The following NHSL1 variants were observed in gnomAD, a reference collection of about 807,000 sequenced individuals.
NHSL1 encodes NHS like 1.
NHSL1 carries 48 observed loss-of-function variants against 95.0 expected under a neutral mutation model. The observed-to-expected ratio is 0.51, with a 90% CI of 0.40 to 0.64. NHSL1 has a LOEUF of 0.64. Among genes scored for constraint, NHSL1 ranks in the 30% least tolerant of loss-of-function variants. The pLI is 0.00. For missense variants in NHSL1, 1,971 were observed against 2,077.7 expected, an observed-to-expected ratio of 0.95 and a Z score of 1.00; for synonymous variants, 783 against 833.9, an observed-to-expected ratio of 0.94 and a Z score of 1.05.
rs35252759 is a variant in NHSL1 at position 138,659,527 on chromosome 6, G to C, written c.96+32949C>G. ...GCACCTCCTGCCAAGTTAGCATCTG[G>C]GGTTGAAAGAATGATGCTCTAACAC... On this transcript the variant is annotated intron_variant, in intron 1 of 3. Coordinates refer to the NHSL1 transcript ENST00000491526. Among the ~76,000 whole-genome samples the C allele has an allele frequency of 5.1e-3, 776 of 152,166 alleles. 11 individuals carry two copies. The highest frequency in any genetic ancestry group is 4.8e-3 in the Non-Finnish European group (326 of 67,998).
chr6:138,426,681 T>C (rs150165053), intron 7 of NHSL1, among the ~76,000 whole-genome samples: 1 of 152,150 alleles, frequency 6.6e-6, no homozygotes. Context: ...TTGGTGTTCC[T>C]GGCGTCATCT....
intron 1 of NHSL1, among the ~76,000 whole-genome samples, chr6:138,663,337 G>A (rs1349096666): frequency 6.6e-6 from 1 of 152,108 alleles, no homozygotes; most frequent in Non-Finnish European, 1.5e-5. Flanking sequence ...GAGGCAGGCA[G>A]ATCACCTTAG....
chr6:138,555,121 G>C (rs79883542), intron 1 of NHSL1, among the ~76,000 whole-genome samples: 2 of 152,262 alleles, frequency 1.3e-5, no homozygotes, highest in East Asian at 3.9e-4. Context: ...CACAGAGCAC[G>C]GTGCGGCCCA....
chr6:138,648,825 A>G (rs1446530458), intron 1 of NHSL1, among the ~76,000 whole-genome samples: 1 of 152,006 alleles, frequency 6.6e-6, no homozygotes, highest in African/African-American at 2.4e-5. Flanking sequence ...AAGAGGCAAG[A>G]ATTTTTTTTT....
chr6:138,583,391 C>T (rs1319323304), intron 1 of NHSL1, among the ~76,000 whole-genome samples: 5 of 152,152 alleles, frequency 3.3e-5, no homozygotes, highest in Admixed American at 3.3e-4. Context: ...TCTCATCTAC[C>T]ACAGGCACCT....
intron 1 of NHSL1, among the ~76,000 whole-genome samples, chr6:138,683,297 G>C (rs1384782714): frequency 6.6e-6 from 1 of 152,184 alleles, no homozygotes; most frequent in African/African-American, 2.4e-5. Context: ...CAGCTCTCAT[G>C]TAGCCGTGGT....
intron 1 of NHSL1, chr6:138,512,417 C>T (rs1781274798): frequency 7.1e-6 from 3 of 420,680 alleles, no homozygotes; most frequent in South Asian, 5.2e-5. Flanking sequence ...ATAAAATTCA[C>T]TTCTTTGCTC....
At chr6:138,502,180 A>C (rs908697148), upstream of NHSL1, among the ~76,000 whole-genome samples, 1 of 152,208 alleles carries the variant, frequency 6.6e-6, no homozygotes, top group African/African-American at 2.4e-5. Context: ...TCTCCAGGAA[A>C]TAAACCAAAT....
In NHSL1 at chr6:138,496,238, G is replaced by A. The variant is rs1056154075; in HGVS notation, c.192C>T (p.Asn64=). The change falls in exon 2 of 8, where the codon AAC becomes AAT. Residue 64 remains asparagine (N), a synonymous_variant. Transcript: ENST00000343505. ...VEDLHRQAKL[N]LKSVLRECDK... ...TCTTACCCCTCAGTACTGATTTGAG[G>A]TTGAGCTTGGCTTGGCGGTGCAGGT... 5 of 1,550,942 alleles carry A rather than the reference G, an allele frequency of 3.2e-6. No individual in the cohort carries two copies. Among genetic ancestry groups the A allele is most frequent in the Admixed American group, 3.9e-5 (2 of 50,962 alleles).
intron 1 of NHSL1, among the ~76,000 whole-genome samples, chr6:138,659,367 T>C (rs1785196973): frequency 6.6e-6 from 1 of 152,078 alleles, no homozygotes; most frequent in African/African-American, 2.4e-5. Flanking sequence ...TAATTCTTAA[T>C]GTTTGTAAAA....
intron 1 of NHSL1, among the ~76,000 whole-genome samples, chr6:138,659,756 A>C (rs1785203215): frequency 7.0e-6 from 1 of 142,382 alleles, no homozygotes; most frequent in African/African-American, 2.7e-5. Flanking sequence ...TCACTCTGTC[A>C]TCCAGGCTGG....
chr6:138,589,320 C>A (rs765911049), intron 1 of NHSL1, among the ~76,000 whole-genome samples: 10 of 152,094 alleles, frequency 6.6e-5, no homozygotes, highest in Non-Finnish European at 1.5e-5. Context: ...CTAAATGATG[C>A]GGGGTGCTTA....
chr6:138,596,015 A>C (rs1041362664), intron 1 of NHSL1, among the ~76,000 whole-genome samples: 1 of 152,190 alleles, frequency 6.6e-6, no homozygotes, highest in African/African-American at 2.4e-5. Flanking sequence ...CATAAACCCT[A>C]CTTGGAAGCT....
chr6:138,583,840 C>G (rs954224296), intron 1 of NHSL1, among the ~76,000 whole-genome samples: 4 of 152,126 alleles, frequency 2.6e-5, no homozygotes, highest in African/African-American at 9.7e-5. Context: ...ACTGCAACAA[C>G]TCAATCTGCC....
At chr6:138,624,400 C>T (rs1023881194) in intron 1 of NHSL1, among the ~76,000 whole-genome samples, 5 of 152,016 alleles carry the variant, frequency 3.3e-5, no homozygotes, top group Non-Finnish European at 5.9e-5. Context: ...CAAATGTAAG[C>T]GTTCATTGTA....
chr6:138,663,415 C>T (rs9495192), intron 1 of NHSL1, among the ~76,000 whole-genome samples: 4,473 of 150,996 alleles, frequency 0.03, 211 homozygotes, highest in African/African-American at 0.1. Flanking sequence ...ACAAATTAGC[C>T]AGGCATGGTG....
chr6:138,469,515 G>A (rs1002334040), intron 3 of NHSL1, among the ~76,000 whole-genome samples: 2 of 152,148 alleles, frequency 1.3e-5, no homozygotes, highest in African/African-American at 4.8e-5. Flanking sequence ...CTTGAGCCCA[G>A]GAGTTCCAGA....
chr6:138,624,394 T>C (rs1382290587), intron 1 of NHSL1, among the ~76,000 whole-genome samples: 2 of 152,050 alleles, frequency 1.3e-5, no homozygotes, highest in African/African-American at 2.4e-5. Flanking sequence ...GGAGGGCAAA[T>C]GTAAGCGTTC....
At chr6:138,520,105 C>T (rs1781615086) in intron 1 of NHSL1, among the ~76,000 whole-genome samples, 1 of 151,424 alleles carries the variant, frequency 6.6e-6, no homozygotes, top group African/African-American at 2.4e-5. Context: ...AGAATAATAA[C>T]AATAATAACA....
Sources: gnomAD v4.1 joint callset for allele counts (sites outside exome capture counted in the v4.1 genomes callset) on GRCh38, gnomAD v4.1.1 for gene constraint, MANE v1.5 for transcripts, NCBI Gene and HGNC (gene_info 2026-07-23, HGNC 2026-07-21) for gene names.